Variants in XRCC4 observed in about 807,000 individuals in gnomAD.
XRCC4 encodes the protein DNA repair protein XRCC4.
In XRCC4, 28 loss-of-function variants were observed where a neutral mutation model predicts 39.1. That is an observed-to-expected ratio of 0.72 (90% CI 0.53 to 0.98). XRCC4 has a LOEUF of 0.98. Ranked by LOEUF, XRCC4 falls within the 50% of genes least tolerant of loss-of-function variation. The pLI, the probability that XRCC4 is intolerant of heterozygous loss-of-function variation, is 0.00. For synonymous variants in XRCC4, 123 were observed against 126.4 expected, an observed-to-expected ratio of 0.97 and a Z score of 0.18; for missense variants, 350 against 376.4, an observed-to-expected ratio of 0.93 and a Z score of 0.58.
At chr5:83,096,221 T>C (rs1745669329) in intron 1 of XRCC4, among the ~76,000 whole-genome samples, 1 of 152,164 alleles carries the variant, frequency 6.6e-6, no homozygotes, top group African/African-American at 2.4e-5. Flanking sequence ...TGGGATCTGC[T>C]GTGGGATAGA....
chr5:83,355,158 G>A (rs1006868929), downstream of XRCC4, among the ~76,000 whole-genome samples: 2 of 152,064 alleles, frequency 1.3e-5, no homozygotes, highest in African/African-American at 4.8e-5. Context: ...TGCCTGGAAT[G>A]CTCAGCTTCA....
the XRCC4 span, among the ~76,000 whole-genome samples, chr5:83,358,980 C>T: frequency 1.3e-5 from 2 of 151,678 alleles, no homozygotes; most frequent in Non-Finnish European, 2.9e-5. Flanking sequence ...TTCCAAGGAA[C>T]CTTTTGAAAG....
intron 7 of XRCC4, among the ~76,000 whole-genome samples, chr5:83,349,259 C>G (rs1444845793): frequency 1.3e-5 from 2 of 152,216 alleles, no homozygotes; most frequent in Non-Finnish European, 2.9e-5. Context: ...CAACAGGCCC[C>G]TCCTCCAACA....
chr5:83,086,497 G>C (rs1463073210), intron 1 of XRCC4, among the ~76,000 whole-genome samples: 3 of 152,312 alleles, frequency 2.0e-5, no homozygotes, highest in Admixed American at 6.5e-5. Context: ...TATTCATTAA[G>C]TGGAAGTCGA....
At chr5:83,090,044 C>G (rs181326746) in intron 1 of XRCC4, among the ~76,000 whole-genome samples, 172 of 152,234 alleles carry the variant, frequency 1.1e-3, no homozygotes, top group Admixed American at 2.8e-3. Context: ...GTTCACATCT[C>G]CTTGTTCAAG....
intron 2 of XRCC4, among the ~76,000 whole-genome samples, chr5:83,108,462 G>T (rs1746300337): frequency 6.6e-6 from 1 of 151,806 alleles, no homozygotes; most frequent in Non-Finnish European, 1.5e-5. Flanking sequence ...TTTATTAGGA[G>T]AGGAAAATAA....
intron 7 of XRCC4, among the ~76,000 whole-genome samples, chr5:83,303,606 A>G (rs949907984): frequency 2.0e-5 from 3 of 152,220 alleles, no homozygotes; most frequent in African/African-American, 7.2e-5. Flanking sequence ...CTTTCTAAAA[A>G]TGAGTCAATT....
chr5:83,266,105 T>C (rs752758546), intron 7 of XRCC4, among the ~76,000 whole-genome samples: 68 of 152,102 alleles, frequency 4.5e-4, no homozygotes, highest in Non-Finnish European at 9.0e-4. Flanking sequence ...ATAATAGTTA[T>C]TGTTTCAGGC....
intron 7 of XRCC4, among the ~76,000 whole-genome samples, chr5:83,351,888 C>A (rs1358799679): frequency 6.6e-6 from 1 of 152,190 alleles, no homozygotes; most frequent in Non-Finnish European, 1.5e-5. Context: ...CACCTAAACA[C>A]ACTTGATATT....
chr5:83,142,178 A>C (rs1043839563), intron 3 of XRCC4, among the ~76,000 whole-genome samples: 5 of 152,140 alleles, frequency 3.3e-5, no homozygotes, highest in Admixed American at 1.3e-4. Context: ...TGTGCTTAAT[A>C]ATGAAAGTTA....
chr5:83,158,579 A>G lies in XRCC4; in HGVS notation c.316-37191A>G, dbSNP rs13361547. Among the ~76,000 whole-genome samples the G allele has an allele frequency of 3.5e-3, 531 of 152,232 alleles. 2 individuals carry two copies. The highest frequency in any genetic ancestry group is 0.011 in the African/African-American group (470 of 41,566). On this transcript the variant is annotated intron_variant, in intron 3 of 7. Coordinates refer to ENST00000396027, the MANE Select transcript of XRCC4 (RefSeq NM_003401.5). ...ATGGATTTTGAAAAACAAAAGAGGA[A>G]AGTGAGGAGGAAGTAATTCATGAAT...
At chr5:83,228,931 T>C (rs1358058685) in intron 6 of XRCC4, among the ~76,000 whole-genome samples, 2 of 152,044 alleles carry the variant, frequency 1.3e-5, no homozygotes, top group Admixed American at 6.6e-5. Flanking sequence ...CAATATAGAA[T>C]CTCTGTGTGT....
intron 1 of XRCC4, among the ~76,000 whole-genome samples, chr5:83,093,619 C>A (rs1745533689): frequency 6.6e-6 from 1 of 151,958 alleles, no homozygotes; most frequent in African/African-American, 2.4e-5. Context: ...TCTTTTCTGA[C>A]CACAATTGTA....
intron 7 of XRCC4, among the ~76,000 whole-genome samples, chr5:83,341,580 C>T (rs1430097960): frequency 6.6e-6 from 1 of 152,046 alleles, no homozygotes; most frequent in Non-Finnish European, 1.5e-5. Flanking sequence ...TTTTGAGACA[C>T]ACTGCACACA....
At chr5:83,111,332 G>T in intron 3 of XRCC4, 129 bp downstream of exon 3, 1 of 637,072 alleles carries the variant, frequency 1.6e-6, no homozygotes, top group Non-Finnish European at 2.4e-6. Flanking sequence ...AAAAGTACTT[G>T]GTTTCCAAAT....
At chr5:83,223,240 C>T (rs183644199) in intron 6 of XRCC4, among the ~76,000 whole-genome samples, 1 of 152,018 alleles carries the variant, frequency 6.6e-6, no homozygotes, top group African/African-American at 2.4e-5. Context: ...TGGTTTTTGG[C>T]CTATTTTTGA....
chr5:83,186,304 C>T (rs1220208440), intron 3 of XRCC4, among the ~76,000 whole-genome samples: 3 of 152,112 alleles, frequency 2.0e-5, no homozygotes, highest in Non-Finnish European at 4.4e-5. Context: ...GGAGAACATT[C>T]TTGGAAGGAT....
In XRCC4 at chr5:83,353,401, A is replaced by T. The variant is rs970184711; in HGVS notation, c.*159A>T. 5.5e-6 allele frequency: 3 copies of T among 549,328 alleles called. No individual in the cohort carries two copies. The highest frequency in any genetic ancestry group is 7.0e-5 in the Admixed American group (2 of 28,544). The allele number at this position is 549,328 out of a possible 1,614,324, so 34.0% of individuals were successfully genotyped here. On this transcript the variant is annotated 3_prime_UTR_variant, in exon 8 of 8. Transcript: ENST00000396027. ...AACCATTGTGCAAAATGGATTACAC[A>T]TGTATACAAAGATACGATTTGATGA...
At chr5:83,096,190 G>A (rs190874648) in intron 1 of XRCC4, among the ~76,000 whole-genome samples, 6 of 152,188 alleles carry the variant, frequency 3.9e-5, no homozygotes, top group Admixed American at 3.9e-4. Flanking sequence ...CAGAAGTGCT[G>A]TAGCCAAGAA....
Sources: allele counts gnomAD v4.1 joint callset (sites outside exome capture counted in the v4.1 genomes callset), GRCh38; gene constraint gnomAD v4.1.1; transcripts MANE v1.5; gene names NCBI Gene and HGNC (gene_info 2026-07-23, HGNC 2026-07-21).